Variants in KPNA3 observed in about 807,000 individuals in gnomAD.
KPNA3 encodes the protein importin subunit alpha-4.
In KPNA3, 13 loss-of-function variants were observed where a neutral mutation model predicts 73.8. The observed-to-expected ratio is 0.18, with a 90% confidence interval of 0.11 to 0.28. The LOEUF is 0.28. Ranked by LOEUF, KPNA3 falls within the 10% of genes least tolerant of loss-of-function variation. The pLI is 1.00. For synonymous variants in KPNA3, 186 were observed against 206.9 expected, an observed-to-expected ratio of 0.90 and a Z score of 0.87; for missense variants, 360 against 618.1, an observed-to-expected ratio of 0.58 and a Z score of 4.43.
At chr13:49,731,674 G>A (rs1364864066) in intron 6 of KPNA3, among the ~76,000 whole-genome samples, 5 of 151,876 alleles carry the variant, frequency 3.3e-5, no homozygotes, top group Non-Finnish European at 2.9e-5. Context: ...CAAAAAAAAA[G>A]CATTTGTTTT....
At chr13:49,790,213 T>C (rs938476987) in intron 1 of KPNA3, among the ~76,000 whole-genome samples, 1 of 152,170 alleles carries the variant, frequency 6.6e-6, no homozygotes, top group African/African-American at 2.4e-5. Flanking sequence ...GCATCTGTAG[T>C]TCGAACACTT....
chr13:49,781,944 C>T (rs1954943825), intron 1 of KPNA3, among the ~76,000 whole-genome samples: 1 of 152,120 alleles, frequency 6.6e-6, no homozygotes, highest in African/African-American at 2.4e-5. Flanking sequence ...AGAATCAAGC[C>T]TACGAAAGCA....
rs114218937 is a variant in KPNA3 at position 49,755,958 on chromosome 13, A to G, written c.70-8965T>C. On this transcript the variant is annotated intron_variant, in intron 1 of 16. Coordinates refer to ENST00000261667, the MANE Select transcript of KPNA3 (RefSeq NM_002267.4). ...TTCTATATACTAGCAATGAACACAT[A>G]GACACTGAAATTAAAAATACAAACA... 2.9e-3 allele frequency among the ~76,000 whole-genome samples: 447 copies of G among 152,298 alleles called. 5 individuals carry two copies. Among genetic ancestry groups the G allele is most frequent in the African/African-American group, 0.01 (431 of 41,564 alleles).
rs752903755 is a variant in KPNA3, at chr13:49,773,958, TGCA to T, written c.69+18477_69+18479del. ...TCTTGCTCTGTCACCCAGTCTGGAA[TGCA>T]GTAGTGTGATCATGGCTCGCTGCAG... On this transcript the variant is annotated intron_variant, in intron 1 of 16. Transcript: ENST00000261667. 5.9e-5 allele frequency among the ~76,000 whole-genome samples: 9 copies of T among 152,340 alleles called. 1 individual carries two copies. The South Asian group carries it at 1.9e-3, about 32-fold the overall frequency.
intron 1 of KPNA3, among the ~76,000 whole-genome samples, chr13:49,786,435 G>A (rs778098486): frequency 1.3e-5 from 2 of 152,070 alleles, no homozygotes; most frequent in Non-Finnish European, 2.9e-5. Context: ...AAAAGAATAG[G>A]GACTGATAGT....
In KPNA3 at chr13:49,773,436, G is replaced by A. The variant is rs765990714; in HGVS notation, c.69+19002C>T. 2.6e-5 allele frequency among the ~76,000 whole-genome samples: 4 copies of A among 151,890 alleles called. No homozygotes were observed. In the East Asian group the frequency reaches 5.8e-4, roughly 22 times the overall value. ...ATTAATCTGCCTCAAAGATTTTTTC[G>A]ATGATATAATTACCAATGTCCTAAT... On this transcript the variant is annotated intron_variant, in intron 1 of 16. Coordinates refer to ENST00000261667, the MANE Select transcript of KPNA3 (RefSeq NM_002267.4).
At chr13:49,713,321 A>AAT (rs958706853) in intron 10 of KPNA3, among the ~76,000 whole-genome samples, 6 of 120,974 alleles carry the variant, frequency 5.0e-5, no homozygotes, top group Admixed American at 8.3e-5. Flanking sequence ...CACACACACA[A>AAT]ATATATGTAA....
At chr13:49,761,366 G>T (rs1490816517) in intron 1 of KPNA3, among the ~76,000 whole-genome samples, 1 of 152,196 alleles carries the variant, frequency 6.6e-6, no homozygotes. Context: ...AGCCTGCCGA[G>T]TGCCTGCGAT....
chr13:49,726,855 G>A (rs1954414623), intron 6 of KPNA3, among the ~76,000 whole-genome samples: 2 of 152,092 alleles, frequency 1.3e-5, no homozygotes, highest in Non-Finnish European at 2.9e-5. Flanking sequence ...GGCGGGGGTG[G>A]GATGGGGGGA....
intron 1 of KPNA3, among the ~76,000 whole-genome samples, chr13:49,758,527 T>C (rs1954730852): frequency 6.6e-6 from 1 of 152,182 alleles, no homozygotes; most frequent in Admixed American, 6.5e-5. Context: ...TATGTGTCTA[T>C]GTGGAATAAA....
intron 1 of KPNA3, among the ~76,000 whole-genome samples, chr13:49,792,233 C>G (rs1955039936): frequency 6.6e-6 from 1 of 151,708 alleles, no homozygotes; most frequent in African/African-American, 2.4e-5. Context: ...CCGGTCGCCG[C>G]GCCGGCAGCT....
At chr13:49,702,534 T>C (rs1954157715) in intron 15 of KPNA3, 54 bp from the exon 16 acceptor site, 1 of 891,766 alleles carries the variant, frequency 1.1e-6, no homozygotes, top group Non-Finnish European at 1.8e-6. Context: ...GAGATACTAA[T>C]CAAAACCACA....
rs1954364854 is a variant in KPNA3, at chr13:49,722,044, G to C, written c.637C>G (p.Pro213Ala). The change falls in exon 9 of 17, where the codon CCC becomes GCC. Residue 213 changes from proline (P) to alanine (A), a missense_variant. Physicochemically the swap from Pro to Ala is conservative, Grantham distance 27. Transcript: ENST00000261667. ...PLLSFISPSI[P>A]ITFLRNVTWV... ...GTGACGTTCCGAAGGAAGGTGATGG[G>C]GATGGAGGGACTGATGAAGGACAGA... is the stretch of plus-strand genomic sequence containing the variant. The C allele has an allele frequency of 1.2e-6, 2 of 1,611,980 alleles. No individual in the cohort carries two copies. The highest frequency in any genetic ancestry group is 1.7e-6 in the Non-Finnish European group (2 of 1,178,558).
chr13:49,733,377 T>A (rs551017429), intron 2 of KPNA3, among the ~76,000 whole-genome samples: 1 of 148,498 alleles, frequency 6.7e-6, no homozygotes, highest in African/African-American at 2.5e-5. Flanking sequence ...CAACCTCTGC[T>A]TCCTGGGTTC....
At chr13:49,776,828 C>T (rs1954901881) in intron 1 of KPNA3, among the ~76,000 whole-genome samples, 1 of 152,172 alleles carries the variant, frequency 6.6e-6, no homozygotes, top group Admixed American at 6.5e-5. Flanking sequence ...CCTCAATAAG[C>T]ATTCCCAAGT....
intron 10 of KPNA3, among the ~76,000 whole-genome samples, chr13:49,713,748 G>A (rs557742241): frequency 1.3e-5 from 2 of 151,664 alleles, no homozygotes; most frequent in South Asian, 2.1e-4. Context: ...CTGTCACCCC[G>A]GCTGGGGTGT....
At chr13:49,783,560 G>A (rs916287392) in intron 1 of KPNA3, among the ~76,000 whole-genome samples, 1 of 152,020 alleles carries the variant, frequency 6.6e-6, no homozygotes, top group Non-Finnish European at 1.5e-5. Flanking sequence ...GGTTACAAAG[G>A]GCCAGCTGTA....
intron 12 of KPNA3, among the ~76,000 whole-genome samples, chr13:49,708,432 TAA>T (rs990626224): frequency 1.1e-4 from 16 of 152,174 alleles, no homozygotes; most frequent in African/African-American, 3.6e-4. Context: ...GGTGGGAATG[TAA>T]AACAGTGCAG....
chr13:49,791,589 T>C (rs560784358), intron 1 of KPNA3, among the ~76,000 whole-genome samples: 19 of 152,330 alleles, frequency 1.2e-4, no homozygotes, highest in African/African-American at 4.3e-4. Context: ...AAGAGAATTA[T>C]GAACCTGTGT....
Sources: allele counts gnomAD v4.1 joint callset (sites outside exome capture counted in the v4.1 genomes callset), GRCh38; gene constraint gnomAD v4.1.1; transcripts MANE v1.5; gene names NCBI Gene and HGNC (gene_info 2026-07-23, HGNC 2026-07-21).